The following P2RY2 variants were observed in gnomAD, a reference collection of about 807,000 sequenced individuals.
The protein encoded by P2RY2 is P2Y purinoceptor 2.
For synonymous variants in P2RY2, 241 were observed against 231.9 expected, an observed-to-expected ratio of 1.04 and a Z score of -0.35; for missense variants, 567 against 515.7, an observed-to-expected ratio of 1.10 and a Z score of -0.96.
chr11:73,234,587 G>T lies in P2RY2; in HGVS notation c.428G>T (p.Arg143Leu). 1 of 1,573,404 alleles carries T rather than the reference G, an allele frequency of 6.4e-7. No individual in the cohort carries two copies. Among genetic ancestry groups the T allele is most frequent in the Non-Finnish European group, 8.6e-7 (1 of 1,158,932 alleles). ...LGVLRPLRSLRWGRARYARRV... is the reference protein window; with the variant it reads ...LGVLRPLRSLLWGRARYARRV... ...GTCTTACGACCTCTGCGCTCCCTGC[G>T]CTGGGGCCGGGCCCGCTACGCTCGC... is the stretch of plus-strand genomic sequence containing the variant. The change falls in exon 3 of 3, where the codon CGC (arginine) becomes CTC (leucine). Residue 143 changes from arginine to leucine, a missense_variant. Coordinates refer to ENST00000393597, the MANE Select transcript of P2RY2 (RefSeq NM_002564.4).
chr11:73,234,156 G>C lies in P2RY2; in HGVS notation c.-4G>C. 6.3e-7 allele frequency: 1 copy of C among 1,599,714 alleles called. No individual in the cohort carries two copies. The highest frequency in any genetic ancestry group is 1.3e-5 in the African/African-American group (1 of 74,906). On this transcript the variant is annotated splice_region_variant and 5_prime_UTR_variant, in exon 3 of 3. Transcript: ENST00000393597. ...GGCCCCACCCCTCCCTTCCCTGCAGGGCGATGGCAGCAGACCTGGGCCCCT... is the reference window on the plus strand; with the variant it reads ...GGCCCCACCCCTCCCTTCCCTGCAGCGCGATGGCAGCAGACCTGGGCCCCT...
rs964726476 is a variant in P2RY2, at chr11:73,240,520, C to G, written c.*5227C>G. On this transcript the variant is annotated 3_prime_UTR_variant, in exon 3 of 3. Transcript: ENST00000393597. ...CATCACGTGAGACTCCTGGGAGACA[C>G]AACCAGTTGGAATGAGTTTTCCCTC... The G allele has an allele frequency of 6.4e-4, 97 of 152,362 alleles. No individual in the cohort carries two copies. Among genetic ancestry groups the G allele is most frequent in the African/African-American group, 2.3e-3 (96 of 41,546 alleles). The allele number at this position is 152,362 out of a possible 1,614,324, so 9.4% of individuals were successfully genotyped here. A position where few individuals can be genotyped will look rare whatever the true frequency, so the allele number is the denominator to read the frequency against.
At chr11:73,225,727 G>A (rs1197800440) in intron 1 of P2RY2, among the ~76,000 whole-genome samples, 8 of 126,274 alleles carry the variant, frequency 6.3e-5, no homozygotes, top group Admixed American at 6.3e-4. Context: ...CACAGGGACA[G>A]CACTAAACTC....
Position 73,240,187 on chromosome 11 carries a change from C to T in P2RY2, c.*4894C>T, listed in dbSNP as rs529011985. On this transcript the variant is annotated 3_prime_UTR_variant, in exon 3 of 3. Coordinates refer to ENST00000393597, the MANE Select transcript of P2RY2 (RefSeq NM_002564.4). Reference sequence around the variant, plus strand: ...CTCCAGCTCAGGTGTCAGTCTCAGCCCTGTCCCAGCCAGGAACAATGGGCC... The same window carrying T: ...CTCCAGCTCAGGTGTCAGTCTCAGCTCTGTCCCAGCCAGGAACAATGGGCC... 17 of 152,430 alleles carry T rather than the reference C, an allele frequency of 1.1e-4. No individual in the cohort carries two copies. Among genetic ancestry groups the T allele is most frequent in the African/African-American group, 3.9e-4 (16 of 41,542 alleles). 9.4% of individuals were successfully genotyped at this position (152,430 alleles called of 1,614,324 possible). A position where few individuals can be genotyped will look rare whatever the true frequency, so the allele number is the denominator to read the frequency against.
At chr11:73,223,221 G>C (rs1157173948) in intron 1 of P2RY2, among the ~76,000 whole-genome samples, 1 of 152,186 alleles carries the variant, frequency 6.6e-6, no homozygotes, top group Non-Finnish European at 1.5e-5. Flanking sequence ...AGGCTCATGT[G>C]GTTCCTGGTT....
rs148301074 is a variant in P2RY2, at chr11:73,237,901, C to A, written c.*2608C>A. Among the ~76,000 whole-genome samples the A allele has an allele frequency of 6.6e-6, 1 of 152,196 alleles. No individual in the cohort carries two copies. Among genetic ancestry groups the A allele is most frequent in the South Asian group, 2.1e-4 (1 of 4,822 alleles). On this transcript the variant is annotated 3_prime_UTR_variant, in exon 3 of 3. Transcript: ENST00000393597. ...TCCAGCAGTGACGTGAGGGGATCTG[C>A]CTGCCCTCAAAATATCTCCTATTAC...
At position 73,228,186 on chromosome 11, in the gene P2RY2, T is replaced by TGGGGGGGGGGGGGGGGGGG. The variant is rs748007184; in HGVS notation, c.-5+16_-5+17insGGGGGGGGGGGGGGGGGGG. 7.3e-5 allele frequency: 1 copy of TGGGGGGGGGGGGGGGGGGG among 13,704 alleles called. No individual in the cohort carries two copies. Among genetic ancestry groups the TGGGGGGGGGGGGGGGGGGG allele is most frequent in the African/African-American group, 2.7e-4 (1 of 3,692 alleles). 0.8% of individuals were successfully genotyped at this position (13,704 alleles called of 1,614,324 possible). A position where few individuals can be genotyped will look rare whatever the true frequency, so the allele number is the denominator to read the frequency against. ...GCAGGGGCTGGTCAGGTACGTGGGG[T>TGGGGGGGGGGGGGGGGGGG]GGGGGTGGGGGGGAGCGGGTACGCT... On this transcript the variant is annotated intron_variant, in intron 2 of 2. Transcript: ENST00000393597.
Position 73,235,390 on chromosome 11 carries a change from G to T in P2RY2, c.*97G>T. 6.7e-7 allele frequency: 1 copy of T among 1,492,270 alleles called. No homozygotes were observed. 92.4% of individuals were successfully genotyped at this position (1,492,270 alleles called of 1,614,324 possible). A position where few individuals can be genotyped will look rare whatever the true frequency, so the allele number is the denominator to read the frequency against. On this transcript the variant is annotated 3_prime_UTR_variant, in exon 3 of 3. Coordinates refer to ENST00000393597, the MANE Select transcript of P2RY2 (RefSeq NM_002564.4). Reference sequence around the variant, plus strand: ...CAGTCTCCCCAGATATGGACCATCAGTGACTCATGCTGGATGACCCCATGC... The same window carrying T: ...CAGTCTCCCCAGATATGGACCATCATTGACTCATGCTGGATGACCCCATGC...
chr11:73,242,177 G>C lies in P2RY2; in HGVS notation c.*6884G>C, dbSNP rs1471375674. 1.3e-5 allele frequency: 2 copies of C among 152,130 alleles called. No homozygotes were observed. Among genetic ancestry groups the C allele is most frequent in the Non-Finnish European group, 1.5e-5 (1 of 68,032 alleles). 9.4% of individuals were successfully genotyped at this position (152,130 alleles called of 1,614,324 possible). The stretch of plus-strand genomic sequence containing the variant: ...TAGAAAGCGGGCTATTTTACCCCAT[G>C]TGTCCTCAGATTTATGTCCTGGAAC... On this transcript the variant is annotated 3_prime_UTR_variant, in exon 3 of 3. Transcript: ENST00000393597.
rs537485297 is a variant in P2RY2, at chr11:73,237,692, C to T, written c.*2399C>T. On this transcript the variant is annotated 3_prime_UTR_variant, in exon 3 of 3. Coordinates refer to ENST00000393597, the MANE Select transcript of P2RY2 (RefSeq NM_002564.4). ...ACAGGTGGGGGTGGATACTGGAGAC[C>T]CTGGGTGAACCAGGGGCACCTCTGG... 6.6e-6 allele frequency among the ~76,000 whole-genome samples: 1 copy of T among 152,302 alleles called. No homozygotes were observed. The highest frequency in any genetic ancestry group is 2.1e-4 in the South Asian group (1 of 4,826).
At chr11:73,234,110 C>A (rs373810147) in intron 2 of P2RY2, 46 bp from the exon 3 acceptor site, 23 of 1,552,808 alleles carry the variant, frequency 1.5e-5, no homozygotes, top group Non-Finnish European at 2.0e-5. Context: ...CCCCTAGGGG[C>A]GCTCCGGCCA....
chr11:73,239,036 G>A lies in P2RY2; in HGVS notation c.*3743G>A, dbSNP rs911158110. ...TGTGCTGCTACCTTCCATGCAGGGC[G>A]TTGAGGGGCTTCCCTACGTTATTAC... On this transcript the variant is annotated 3_prime_UTR_variant, in exon 3 of 3. Transcript: ENST00000393597. The A allele has an allele frequency of 1.3e-5, 2 of 152,218 alleles. No homozygotes were observed. Among genetic ancestry groups the A allele is most frequent in the Non-Finnish European group, 2.9e-5 (2 of 68,040 alleles). 9.4% of individuals were successfully genotyped at this position (152,218 alleles called of 1,614,324 possible). A position where few individuals can be genotyped will look rare whatever the true frequency, so the allele number is the denominator to read the frequency against.
In P2RY2 at chr11:73,239,095, G is replaced by A. The variant is rs1473612449; in HGVS notation, c.*3802G>A. 4 of 152,252 alleles carry A rather than the reference G, an allele frequency of 2.6e-5. No homozygotes were observed. The highest frequency in any genetic ancestry group is 9.6e-5 in the African/African-American group (4 of 41,460). The allele number at this position is 152,252 out of a possible 1,614,324, so 9.4% of individuals were successfully genotyped here. A position where few individuals can be genotyped will look rare whatever the true frequency, so the allele number is the denominator to read the frequency against. Reference sequence around the variant, plus strand: ...TCCTCCTCACAGTGCCTGGTGTGTGGTCAGCATTTATATGCCTGGCACCAG... The same window carrying A: ...TCCTCCTCACAGTGCCTGGTGTGTGATCAGCATTTATATGCCTGGCACCAG... On this transcript the variant is annotated 3_prime_UTR_variant, in exon 3 of 3. Transcript: ENST00000393597.
In P2RY2 at chr11:73,228,181, T is replaced by TCGGGGGGGGGG. The variant is rs1316568270; in HGVS notation, c.-5+6_-5+7insCGGGGGGGGGG. On this transcript the variant is annotated splice_region_variant and intron_variant, in intron 2 of 2. Transcript: ENST00000393597. ...GGAGAGCAGGGGCTGGTCAGGTACG[T>TCGGGGGGGGGG]GGGGTGGGGGTGGGGGGGAGCGGGT... is the stretch of plus-strand genomic sequence containing the variant. 1 of 101,118 alleles carries TCGGGGGGGGGG rather than the reference T, an allele frequency of 9.9e-6. No individual in the cohort carries two copies. Among genetic ancestry groups the TCGGGGGGGGGG allele is most frequent in the African/African-American group, 7.6e-5 (1 of 13,132 alleles). The allele number at this position is 101,118 out of a possible 1,614,324, so 6.3% of individuals were successfully genotyped here. A position where few individuals can be genotyped will look rare whatever the true frequency, so the allele number is the denominator to read the frequency against.
At chr11:73,225,918 G>A (rs368245159) in intron 1 of P2RY2, among the ~76,000 whole-genome samples, 6 of 152,236 alleles carry the variant, frequency 3.9e-5, no homozygotes, top group Non-Finnish European at 7.3e-5. Context: ...GAGGAGCTGG[G>A]ACAGTTGCCT....
Position 73,236,837 on chromosome 11 carries a change from C to G in P2RY2, c.*1544C>G. The G allele has an allele frequency of 1.0e-6, 1 of 985,418 alleles. No homozygotes were observed. Among genetic ancestry groups the G allele is most frequent in the Middle Eastern group, 5.2e-4 (1 of 1,914 alleles). The allele number at this position is 985,418 out of a possible 1,614,324, so 61.0% of individuals were successfully genotyped here. ...GTCTCACCTATGATAGGTTCTGAGT[C>G]TAGCCAGGACCACTCTGGGCTGACG... On this transcript the variant is annotated 3_prime_UTR_variant, in exon 3 of 3. Coordinates refer to ENST00000393597, the MANE Select transcript of P2RY2 (RefSeq NM_002564.4).
intron 1 of P2RY2, among the ~76,000 whole-genome samples, chr11:73,220,054 C>G (rs1862074821): frequency 6.6e-6 from 1 of 152,228 alleles, no homozygotes; most frequent in South Asian, 2.1e-4. Context: ...TTGCCAGCAC[C>G]CTGCACAGGG....
At chr11:73,223,429 T>C (rs1253071721) in intron 1 of P2RY2, among the ~76,000 whole-genome samples, 2 of 152,176 alleles carry the variant, frequency 1.3e-5, no homozygotes, top group African/African-American at 4.8e-5. Context: ...CATGGGCTCC[T>C]GAATTTCAGT....
rs1370727182 is a variant in P2RY2, at chr11:73,240,532, A to G, written c.*5239A>G. ...CTCCTGGGAGACACAACCAGTTGGAATGAGTTTTCCCTCCTGGCAGGGACC... is the reference window on the plus strand; with the variant it reads ...CTCCTGGGAGACACAACCAGTTGGAGTGAGTTTTCCCTCCTGGCAGGGACC... On this transcript the variant is annotated 3_prime_UTR_variant, in exon 3 of 3. Transcript: ENST00000393597. 6.6e-6 allele frequency: 1 copy of G among 152,232 alleles called. No individual in the cohort carries two copies. Among genetic ancestry groups the G allele is most frequent in the African/African-American group, 2.4e-5 (1 of 41,426 alleles). The allele number at this position is 152,232 out of a possible 1,614,324, so 9.4% of individuals were successfully genotyped here.
Sources: allele counts gnomAD v4.1 joint callset (sites outside exome capture counted in the v4.1 genomes callset), GRCh38; gene constraint gnomAD v4.1.1; transcripts MANE v1.5; gene names NCBI Gene and HGNC (gene_info 2026-07-23, HGNC 2026-07-21).